The following DSCAML1 variants were observed in gnomAD, a reference collection of about 807,000 sequenced individuals.
The protein encoded by DSCAML1 is DS cell adhesion molecule like 1, also known as cell adhesion molecule DSCAML1.
In DSCAML1, 38 loss-of-function variants were observed where a neutral mutation model predicts 200.5. The ratio of observed to expected loss-of-function variants is 0.19; its 90% confidence interval spans 0.15 to 0.25. The LOEUF is 0.25. Ranked by LOEUF, DSCAML1 falls within the 10% of genes least tolerant of loss-of-function variation. The pLI is 1.00. For missense variants in DSCAML1, 2,223 were observed against 2,858.8 expected (o/e 0.78, Z 5.07); for synonymous variants, 1,215 against 1,165.0 (o/e 1.04, Z -0.87).
At chr11:117,649,516 A>G (rs1040105570) in intron 3 of DSCAML1, among the ~76,000 whole-genome samples, 3 of 151,898 alleles carry the variant, frequency 2.0e-5, no homozygotes, top group Non-Finnish European at 4.4e-5. Context: ...TGACTCTCCC[A>G]TCTCCCTGGC....
intron 14 of DSCAML1, among the ~76,000 whole-genome samples, chr11:117,479,946 C>G (rs961151653): frequency 1.3e-5 from 2 of 152,214 alleles, no homozygotes; most frequent in African/African-American, 2.4e-5. Context: ...CTGCGCCCAG[C>G]TGGGAAGGGC....
intron 3 of DSCAML1, among the ~76,000 whole-genome samples, chr11:117,602,943 A>G (rs902903433): frequency 6.6e-6 from 1 of 152,176 alleles, no homozygotes; most frequent in Non-Finnish European, 1.5e-5. Context: ...TACAAAAAAA[A>G]AGTACAACCA....
chr11:117,605,960 C>T (rs2051559311), intron 3 of DSCAML1, among the ~76,000 whole-genome samples: 1 of 152,090 alleles, frequency 6.6e-6, no homozygotes, highest in Admixed American at 6.6e-5. Context: ...AGTCCAGGGC[C>T]TGGAAGTGCT....
intron 3 of DSCAML1, among the ~76,000 whole-genome samples, chr11:117,699,561 T>C (rs945394887): frequency 1.3e-5 from 2 of 152,080 alleles, no homozygotes; most frequent in African/African-American, 4.8e-5. Flanking sequence ...GGGAGGAGTT[T>C]GGTAGGTGGA....
rs57468415 is a variant in DSCAML1, at chr11:117,566,340, TTC to T, written c.512-33820_512-33819del. On this transcript the variant is annotated intron_variant, in intron 3 of 32. Transcript: ENST00000651296. The stretch of plus-strand genomic sequence containing the variant: ...GTCTCTCTTTCTCCCTTTCTTTTCT[TTC>T]TCTCTCTCTCTCTCTTTTTTTTTTT... Among the ~76,000 whole-genome samples the T allele has an allele frequency of 4.5e-3, 633 of 141,836 alleles. 4 individuals are homozygous for T. The highest frequency in any genetic ancestry group is 0.013 in the African/African-American group (496 of 37,558). The allele number at this position is 141,836 out of a possible 152,430, so 93.0% of individuals were successfully genotyped here. A position where few individuals can be genotyped will look rare whatever the true frequency, so the allele number is the denominator to read the frequency against.
In DSCAML1 at chr11:117,632,761, C is replaced by T. The variant is rs78890707; in HGVS notation, c.512-100239G>A. 6.4e-3 allele frequency among the ~76,000 whole-genome samples: 979 copies of T among 152,224 alleles called. 12 individuals are homozygous for T. Among genetic ancestry groups the T allele is most frequent in the East Asian group, 0.036 (185 of 5,182 alleles). On this transcript the variant is annotated intron_variant, in intron 3 of 32. Transcript: ENST00000651296. ...TGCCCTGGAAGGGCTTTGATTTCTC[C>T]GTATCTAACAGTAATACTAATTAAT...
chr11:117,748,337 T>G (rs2054550524), intron 3 of DSCAML1, among the ~76,000 whole-genome samples: 1 of 152,236 alleles, frequency 6.6e-6, no homozygotes, highest in African/African-American at 2.4e-5. Flanking sequence ...GAGCCAGTTG[T>G]ACTCCCCGTC....
intron 19 of DSCAML1, among the ~76,000 whole-genome samples, chr11:117,451,759 G>C (rs2048287413): frequency 6.6e-6 from 1 of 151,264 alleles, no homozygotes; most frequent in Admixed American, 6.6e-5. Flanking sequence ...AGGTTGCAGT[G>C]AGCTGAGATC....
At chr11:117,583,913 C>T (rs996952821) in intron 3 of DSCAML1, among the ~76,000 whole-genome samples, 4 of 152,238 alleles carry the variant, frequency 2.6e-5, no homozygotes, top group African/African-American at 7.2e-5. Context: ...TTTTAACAGG[C>T]ACAATGCTTT....
chr11:117,602,822 T>C (rs77346448), intron 3 of DSCAML1, among the ~76,000 whole-genome samples: 5,983 of 151,844 alleles, frequency 0.039, 207 homozygotes, highest in African/African-American at 0.09. Context: ...TCAGAGGCCA[T>C]GTGGGGTGGC....
chr11:117,577,478 C>G (rs868407160), intron 3 of DSCAML1, among the ~76,000 whole-genome samples: 3 of 26,048 alleles, frequency 1.2e-4, no homozygotes, highest in Admixed American at 4.0e-4. Context: ...TCCTTCCTTC[C>G]TTCCTTCCTT....
chr11:117,689,453 C>T (rs957401034), intron 3 of DSCAML1, among the ~76,000 whole-genome samples: 6 of 152,194 alleles, frequency 3.9e-5, no homozygotes, highest in Non-Finnish European at 8.8e-5. Flanking sequence ...GATAGTAATA[C>T]ATAGCAAGAA....
At chr11:117,507,318 C>G (rs1047519943) in intron 8 of DSCAML1, among the ~76,000 whole-genome samples, 6 of 152,208 alleles carry the variant, frequency 3.9e-5, no homozygotes, top group Non-Finnish European at 7.3e-5. Context: ...CTGCTACTCT[C>G]TACCCTGGGC....
At chr11:117,661,368 A>G (rs1020158151) in intron 3 of DSCAML1, among the ~76,000 whole-genome samples, 3 of 152,208 alleles carry the variant, frequency 2.0e-5, no homozygotes, top group African/African-American at 7.2e-5. Context: ...GAGGAGGAAA[A>G]TGGGAATATA....
At chr11:117,805,212 G>T (rs1041786936) in intron 1 of DSCAML1, among the ~76,000 whole-genome samples, 1 of 152,156 alleles carries the variant, frequency 6.6e-6, no homozygotes, top group African/African-American at 2.4e-5. Context: ...ATGGGGTGTT[G>T]CCTGGGTCAA....
At chr11:117,527,942 C>T (rs2050007243) in intron 4 of DSCAML1, among the ~76,000 whole-genome samples, 2 of 152,186 alleles carry the variant, frequency 1.3e-5, no homozygotes, top group South Asian at 4.1e-4. Flanking sequence ...CACTGAGAAG[C>T]CCTGTGACCT....
intron 3 of DSCAML1, among the ~76,000 whole-genome samples, chr11:117,662,385 T>C (rs1211857396): frequency 6.6e-6 from 1 of 152,226 alleles, no homozygotes; most frequent in East Asian, 1.9e-4. Flanking sequence ...AGGGCTGTCA[T>C]GTATGAGAGG....
intron 3 of DSCAML1, among the ~76,000 whole-genome samples, chr11:117,724,115 T>A (rs1565895763): frequency 6.7e-6 from 1 of 149,236 alleles, no homozygotes; most frequent in Non-Finnish European, 1.5e-5. Flanking sequence ...CATCACAACA[T>A]TTTTCCCCCT....
At position 117,498,001 on chromosome 11, in the gene DSCAML1, G is replaced by A. The variant is rs1330324095; in HGVS notation, c.2359+5844C>T. On this transcript the variant is annotated intron_variant, in intron 11 of 32. Coordinates refer to ENST00000651296, the MANE Select transcript of DSCAML1 (RefSeq NM_020693.4). The surrounding 1 kb of genome is among the most constrained non-coding windows in gnomAD (Gnocchi z 4.0). The stretch of plus-strand genomic sequence containing the variant: ...AGCAGAGGGGGTGACCTGTGAGCCC[G>A]GATGGGATTGGACCAGACCTGTGGA... 2.0e-5 allele frequency among the ~76,000 whole-genome samples: 3 copies of A among 152,232 alleles called. No homozygotes were observed. The highest frequency in any genetic ancestry group is 4.8e-5 in the African/African-American group (2 of 41,462).
Sources: gnomAD v4.1 joint callset for allele counts (sites outside exome capture counted in the v4.1 genomes callset) on GRCh38, gnomAD v4.1.1 for gene constraint, Gnocchi (gnomAD v3.1) non-coding constraint, MANE v1.5 for transcripts, NCBI Gene and HGNC (gene_info 2026-07-23, HGNC 2026-07-21) for gene names.